CACNA2D3: variants seen among roughly 807,000 people sequenced by gnomAD.
The protein encoded by CACNA2D3 is calcium voltage-gated channel auxiliary subunit alpha2delta 3, also known as voltage-dependent calcium channel subunit alpha-2/delta-3.
In CACNA2D3, 60 loss-of-function variants were observed where a neutral mutation model predicts 160.6. The observed-to-expected ratio is 0.37, with a 90% CI of 0.30 to 0.46. The LOEUF (loss-of-function observed/expected upper bound fraction) is 0.46. Among genes scored for constraint, CACNA2D3 ranks in the 20% least tolerant of loss-of-function variants. The pLI is 1.00. For missense variants in CACNA2D3, 1,205 were observed against 1,365.0 expected, an observed-to-expected ratio of 0.88 and a Z score of 1.85; for synonymous variants, 558 against 492.9, an observed-to-expected ratio of 1.13 and a Z score of -1.75.
At chr3:54,636,577 G>A (rs1012264170) in intron 10 of CACNA2D3, among the ~76,000 whole-genome samples, 4 of 152,016 alleles carry the variant, frequency 2.6e-5, no homozygotes, top group African/African-American at 4.8e-5. Context: ...GCCTCTGCAC[G>A]CAGACATGAG....
At chr3:54,260,691 A>G (rs918341511) in intron 2 of CACNA2D3, among the ~76,000 whole-genome samples, 1 of 152,118 alleles carries the variant, frequency 6.6e-6, no homozygotes. Context: ...GTAGTGCTCA[A>G]CAAGGCTGTG....
At chr3:54,643,294 G>A (rs1181011954) in intron 11 of CACNA2D3, among the ~76,000 whole-genome samples, 1 of 152,194 alleles carries the variant, frequency 6.6e-6, no homozygotes, top group Non-Finnish European at 1.5e-5. Context: ...TGAGATGGGA[G>A]GTGTCTTTCT....
intron 27 of CACNA2D3, among the ~76,000 whole-genome samples, chr3:54,903,047 AT>A (rs932656516): frequency 1.2e-4 from 18 of 151,840 alleles, no homozygotes; most frequent in Middle Eastern, 3.4e-3. Context: ...AGAATGAGTA[AT>A]TTTTTTTTAT....
intron 2 of CACNA2D3, among the ~76,000 whole-genome samples, chr3:54,196,544 T>A (rs1701084371): frequency 6.6e-6 from 1 of 152,248 alleles, no homozygotes; most frequent in African/African-American, 2.4e-5. Context: ...GCTATGAAAA[T>A]TATCTTGTCA....
In CACNA2D3 at chr3:54,757,929, A is replaced by G. The variant is rs75193862; in HGVS notation, c.1246+5252A>G. 6.1e-3 allele frequency among the ~76,000 whole-genome samples: 930 copies of G among 152,346 alleles called. 16 individuals are homozygous for G. Among genetic ancestry groups the G allele is most frequent in the African/African-American group, 0.021 (869 of 41,568 alleles). ...CAGATGTAAGGCTGCTTCTCTTTGG[A>G]GAGGAGAAAGCTGTGATTCATAGAG... is the stretch of plus-strand genomic sequence containing the variant. On this transcript the variant is annotated intron_variant, in intron 12 of 37. Transcript: ENST00000474759.
intron 10 of CACNA2D3, among the ~76,000 whole-genome samples, chr3:54,635,736 G>A (rs906939460): frequency 3.3e-5 from 5 of 151,714 alleles, no homozygotes; most frequent in African/African-American, 9.7e-5. Flanking sequence ...TGAAGATGGA[G>A]GACTGTAAGG....
chr3:54,764,481 T>C (rs1463835895), intron 13 of CACNA2D3, 130 bp downstream of exon 13: 8 of 1,154,826 alleles, frequency 6.9e-6, no homozygotes, highest in Non-Finnish European at 9.7e-6. Context: ...ATTGTTTGTA[T>C]AGTGTTGGTC....
chr3:54,733,976 CCTT>C (rs960260534), intron 11 of CACNA2D3, among the ~76,000 whole-genome samples: 2 of 151,114 alleles, frequency 1.3e-5, no homozygotes, highest in African/African-American at 4.9e-5. Context: ...AAAAAAAGCA[CCTT>C]CTTGATGTTT....
intron 3 of CACNA2D3, among the ~76,000 whole-genome samples, chr3:54,375,528 G>T (rs1449329): frequency 6.6e-6 from 1 of 151,930 alleles, no homozygotes; most frequent in Admixed American, 6.6e-5. Flanking sequence ...ACAAGGATCT[G>T]GGACAAGAAT....
intron 27 of CACNA2D3, among the ~76,000 whole-genome samples, chr3:54,952,715 C>T (rs998621157): frequency 6.6e-6 from 1 of 152,212 alleles, no homozygotes; most frequent in Non-Finnish European, 1.5e-5. Context: ...TTCCCTCCAG[C>T]TTCCAGATGG....
Position 54,741,329 on chromosome 3 carries a change from C to T in CACNA2D3, c.1168-11270C>T, listed in dbSNP as rs144660146. ...GGAGATCTCCTCTTAGAAGACCTCT[C>T]TTCCTTTGCAGAATTAATCCTCCCT... On this transcript the variant is annotated intron_variant, in intron 11 of 37. Coordinates refer to ENST00000474759, the MANE Select transcript of CACNA2D3 (RefSeq NM_018398.3). Among the ~76,000 whole-genome samples the T allele has an allele frequency of 1.8e-4, 27 of 152,330 alleles. 1 individual carries two copies. Among genetic ancestry groups the T allele is most frequent in the African/African-American group, 6.5e-4 (27 of 41,580 alleles).
At chr3:55,056,390 T>A (rs1345047995) in intron 35 of CACNA2D3, among the ~76,000 whole-genome samples, 1 of 152,174 alleles carries the variant, frequency 6.6e-6, no homozygotes, top group Non-Finnish European at 1.5e-5. Context: ...TATAGAAAAC[T>A]GTATGGAGTT....
At chr3:54,742,830 G>A (rs1319460479) in intron 11 of CACNA2D3, among the ~76,000 whole-genome samples, 1 of 152,212 alleles carries the variant, frequency 6.6e-6, no homozygotes, top group Non-Finnish European at 1.5e-5. Flanking sequence ...CCATCCATGG[G>A]AGGCCTTGCC....
intron 27 of CACNA2D3, among the ~76,000 whole-genome samples, chr3:54,958,477 G>A (rs895534384): frequency 2.0e-5 from 3 of 152,234 alleles, no homozygotes; most frequent in African/African-American, 7.2e-5. Context: ...AGTCTTAGAA[G>A]TGTCTCAGAA....
chr3:54,285,288 CA>C (rs1702984980), intron 2 of CACNA2D3, among the ~76,000 whole-genome samples: 1 of 152,236 alleles, frequency 6.6e-6, no homozygotes, highest in South Asian at 2.1e-4. Context: ...TTATATTCCT[CA>C]CCTGGCTCGG....
At chr3:54,989,936 G>A (rs1452222841) in intron 31 of CACNA2D3, among the ~76,000 whole-genome samples, 2 of 152,168 alleles carry the variant, frequency 1.3e-5, no homozygotes, top group African/African-American at 2.4e-5. Flanking sequence ...CCAGCATGCA[G>A]TGCTTGCTCA....
intron 4 of CACNA2D3, among the ~76,000 whole-genome samples, chr3:54,404,773 G>T (rs1187124789): frequency 1.3e-5 from 2 of 152,132 alleles, no homozygotes; most frequent in African/African-American, 4.8e-5. Flanking sequence ...CAATAAAGTT[G>T]CAGGATGTAA....
At chr3:54,995,336 A>G (rs1454359687) in intron 31 of CACNA2D3, among the ~76,000 whole-genome samples, 1 of 152,196 alleles carries the variant, frequency 6.6e-6, no homozygotes, top group East Asian at 1.9e-4. Context: ...CCAGCCACAA[A>G]TAACAGGAAA....
chr3:54,418,382 T>C (rs1699788121), intron 4 of CACNA2D3, among the ~76,000 whole-genome samples: 1 of 152,176 alleles, frequency 6.6e-6, no homozygotes, highest in South Asian at 2.1e-4. Context: ...GGCTGAAATG[T>C]AGAGGTCACT....
Sources: gnomAD v4.1 joint callset for allele counts (sites outside exome capture counted in the v4.1 genomes callset) on GRCh38, gnomAD v4.1.1 for gene constraint, MANE v1.5 for transcripts, NCBI Gene and HGNC (gene_info 2026-07-23, HGNC 2026-07-21) for gene names.